Variants in GOLGA4 observed in about 807,000 individuals in gnomAD.
GOLGA4 encodes golgin subfamily A member 4.
Under a neutral mutation model 265.9 loss-of-function variants are expected in GOLGA4, and 169 were observed. The observed-to-expected ratio is 0.64, with a 90% CI of 0.56 to 0.72. The LOEUF (loss-of-function observed/expected upper bound fraction) is 0.72. Ranked by LOEUF, GOLGA4 falls within the 30% of genes least tolerant of loss-of-function variation. GOLGA4 has a pLI of 0.00. For missense variants in GOLGA4, 2,482 were observed against 2,483.4 expected, an observed-to-expected ratio of 1.00 and a Z score of 0.01; for synonymous variants, 923 against 855.8, an observed-to-expected ratio of 1.08 and a Z score of -1.37.
intron 2 of GOLGA4, among the ~76,000 whole-genome samples, chr3:37,267,607 A>G (rs892157492): frequency 2.0e-5 from 3 of 152,246 alleles, no homozygotes; most frequent in Admixed American, 1.3e-4. Flanking sequence ...ATGTTTGTCC[A>G]GTAAGGATAG....
chr3:37,332,317 T>C (rs2096993283), intron 16 of GOLGA4, among the ~76,000 whole-genome samples: 2 of 152,136 alleles, frequency 1.3e-5, no homozygotes, highest in Non-Finnish European at 2.9e-5. Context: ...CATCTCTCTT[T>C]TGGCTAAAAA....
At chr3:37,344,202 A>C (rs894548613) in intron 20 of GOLGA4, among the ~76,000 whole-genome samples, 3 of 152,194 alleles carry the variant, frequency 2.0e-5, no homozygotes, top group African/African-American at 7.2e-5. Context: ...CCTGGGTTCA[A>C]GCGATTGTCA....
chr3:37,302,689 G>A (rs11129756), intron 10 of GOLGA4: 76,260 of 191,166 alleles, frequency 0.4, 16,016 homozygotes, highest in African/African-American at 0.43. Context: ...TCAAAATTCA[G>A]ATTTAAAATT....
At position 37,281,558 on chromosome 3, in the gene GOLGA4, G is replaced by A. The variant is rs113329026; in HGVS notation, c.163-400G>A. On this transcript the variant is annotated intron_variant, in intron 2 of 23. Transcript: ENST00000361924. ...TATATACCTACATTTTAGACACTGG[G>A]TATGCACTGTTACAGATGGTGTATG... Among the ~76,000 whole-genome samples, 522 of 152,316 alleles carry A rather than the reference G, an allele frequency of 3.4e-3. 4 individuals carry two copies. Among genetic ancestry groups the A allele is most frequent in the African/African-American group, 0.012 (509 of 41,586 alleles).
chr3:37,301,302 G>GT lies in GOLGA4; in HGVS notation c.1087-882dup, dbSNP rs369799386. ...GATTATCCAGAAAGAGGGAACAGAA[G>GT]TAACTAGCAAGTTGGAGGAATGGAG... On this transcript the variant is annotated intron_variant, in intron 9 of 23. Transcript: ENST00000361924. Among the ~76,000 whole-genome samples the GT allele has an allele frequency of 3.4e-3, 521 of 152,060 alleles. 4 individuals are homozygous for GT. The highest frequency in any genetic ancestry group is 0.012 in the African/African-American group (508 of 41,442).
intron 20 of GOLGA4, among the ~76,000 whole-genome samples, chr3:37,345,407 T>C (rs1339967085): frequency 2.0e-5 from 3 of 152,224 alleles, no homozygotes; most frequent in Non-Finnish European, 4.4e-5. Flanking sequence ...TTGTGTTAAA[T>C]GTCAAGTGGA....
At position 37,325,392 on chromosome 3, in the gene GOLGA4, G is replaced by C; in HGVS notation, c.3506G>C (p.Arg1169Pro). Residue 1169 changes from arginine (R) to proline (P), a missense_variant, in exon 14 of 24, where the codon CGG becomes CCG. Arg to Pro is a moderately radical substitution (Grantham distance 103). Coordinates refer to ENST00000361924, the MANE Select transcript of GOLGA4 (RefSeq NM_002078.5). ...AAGATGCTGGCAGAAGAAGATAAGC[G>C]GAAGGTTTCTGAGTTGACTAGCAAG... Reference protein sequence around the residue: ...ELKMLAEEDKRKVSELTSKLK... With the variant: ...ELKMLAEEDKPKVSELTSKLK... 6.2e-7 allele frequency: 1 copy of C among 1,612,434 alleles called. No individual in the cohort carries two copies. The highest frequency in any genetic ancestry group is 8.5e-7 in the Non-Finnish European group (1 of 1,179,390).
Position 37,302,301 on chromosome 3 carries a change from AC to A in GOLGA4, c.1204del (p.Arg402GlyfsTer19). The stretch of plus-strand genomic sequence containing the variant: ...AGATGACTACCCAGGGAGAGGAATT[AC>A]GGGAACAGAAAGAAAAGTCCGAAAG... ...KQMTTQGEEL[R>X]EQKEKSERAA... On this transcript the variant is annotated frameshift_variant, in exon 10 of 24. Transcript: ENST00000361924. LOFTEE classifies it high-confidence loss of function. 1 of 1,613,816 alleles carries A rather than the reference AC, an allele frequency of 6.2e-7. No individual in the cohort carries two copies. Among genetic ancestry groups the A allele is most frequent in the Non-Finnish European group, 8.5e-7 (1 of 1,179,732 alleles).
chr3:37,261,679 C>G (rs1256627116), intron 2 of GOLGA4, among the ~76,000 whole-genome samples: 3 of 152,084 alleles, frequency 2.0e-5, no homozygotes. Flanking sequence ...TTTTGTGTTA[C>G]AAGCTGAGAG....
intron 2 of GOLGA4, among the ~76,000 whole-genome samples, chr3:37,258,260 CATATATATAGAGCATATATATG>C (rs1040297333): frequency 2.8e-4 from 41 of 143,992 alleles, no homozygotes; most frequent in African/African-American, 7.7e-4. Context: ...ATATAGAGAG[CATATATATAGAGCATATATATG>C]ATATATATAG....
rs117667366 is a variant in GOLGA4, at chr3:37,261,863, A to G, written c.162+10379A>G. 1.9e-4 allele frequency among the ~76,000 whole-genome samples: 29 copies of G among 152,266 alleles called. No individual in the cohort carries two copies. In the East Asian group the frequency reaches 4.8e-3, roughly 25 times the overall value. ...AGTGATTGAGTTTGTGATAACCCCT[A>G]TATTGCCATAAGGTAAGAAACCTGA... On this transcript the variant is annotated intron_variant, in intron 2 of 23. Transcript: ENST00000361924.
intron 2 of GOLGA4, among the ~76,000 whole-genome samples, chr3:37,265,117 T>TTG (rs35252934): frequency 0.23 from 34,531 of 147,426 alleles, 4,226 homozygotes; most frequent in African/African-American, 0.35. Flanking sequence ...CATGCTCATA[T>TTG]TGTGTGTGTG....
At chr3:37,319,231 C>T in intron 12 of GOLGA4, 37 bp downstream of exon 12, 1 of 1,519,774 alleles carries the variant, frequency 6.6e-7, no homozygotes, top group South Asian at 1.2e-5. Context: ...TATAGGTATA[C>T]TTCTCAGAGT....
chr3:37,243,312 G>A lies in GOLGA4; in HGVS notation c.-239G>A, dbSNP rs1394452638. The A allele has an allele frequency of 3.6e-6, 2 of 559,778 alleles. No individual in the cohort carries two copies. Among genetic ancestry groups the A allele is most frequent in the African/African-American group, 2.0e-5 (1 of 51,242 alleles). 34.7% of individuals were successfully genotyped at this position (559,778 alleles called of 1,614,324 possible). A position where few individuals can be genotyped will look rare whatever the true frequency, so the allele number is the denominator to read the frequency against. On this transcript the variant is annotated 5_prime_UTR_variant, in exon 1 of 24. Transcript: ENST00000361924. ...TTGTCGTCGCCGCCGCGGCTCCCGG[G>A]GCTGGATGGGGGGCCGAGGCCAGCC... is the stretch of plus-strand genomic sequence containing the variant.
chr3:37,314,683 G>GA (rs1164763187), intron 10 of GOLGA4, among the ~76,000 whole-genome samples: 2 of 76,238 alleles, frequency 2.6e-5, no homozygotes, highest in African/African-American at 4.9e-5. Context: ...ACACACACAC[G>GA]AAAAAAACCT....
chr3:37,338,843 T>C (rs7612650), intron 19 of GOLGA4, among the ~76,000 whole-genome samples: 126,154 of 150,900 alleles, frequency 0.84, 53,459 homozygotes, highest in African/African-American at 0.95. Flanking sequence ...ATAACAATAC[T>C]TGACCTTTTA....
intron 19 of GOLGA4, among the ~76,000 whole-genome samples, chr3:37,338,066 A>G (rs2097020461): frequency 6.6e-6 from 1 of 152,130 alleles, no homozygotes; most frequent in Non-Finnish European, 1.5e-5. Context: ...TACTTTTTCC[A>G]AGTGGTTTAA....
Position 37,302,198 on chromosome 3 carries a change from C to A in GOLGA4, c.1100C>A (p.Ala367Glu), listed in dbSNP as rs1396138882. ...QLEQDKGMVI[A>E]ETKRQMHETL... ...ACTTCTATTCAGGGAATGGTAATCGCAGAGACAAAACGTCAGATGCATGAA... is the reference window on the plus strand; with the variant it reads ...ACTTCTATTCAGGGAATGGTAATCGAAGAGACAAAACGTCAGATGCATGAA... Residue 367 changes from alanine to glutamate, a missense_variant, in exon 10 of 24, where the codon GCA becomes GAA. Around this residue, in one of 3 missense-constraint regions of GOLGA4, gnomAD observed 1,536 missense variants for 1,483.7 expected, o/e 1.04. Coordinates refer to ENST00000361924, the MANE Select transcript of GOLGA4 (RefSeq NM_002078.5). The A allele has an allele frequency of 6.2e-7, 1 of 1,613,212 alleles. No homozygotes were observed. The highest frequency in any genetic ancestry group is 1.7e-5 in the Admixed American group (1 of 59,972).
intron 9 of GOLGA4, 139 bp from the exon 10 acceptor site, chr3:37,302,046 C>G: frequency 2.9e-6 from 2 of 697,930 alleles, no homozygotes; most frequent in African/African-American, 1.8e-5. Context: ...TCCTTGGCCT[C>G]CCAAAGTGCT....
Sources: allele counts gnomAD v4.1 joint callset (sites outside exome capture counted in the v4.1 genomes callset), GRCh38; gene constraint gnomAD v4.1.1; regional missense constraint gnomAD v4.1.1; transcripts MANE v1.5; gene names NCBI Gene and HGNC (gene_info 2026-07-23, HGNC 2026-07-21).